Variants in RAD51B observed in about 807,000 individuals in gnomAD.
RAD51B encodes the protein RAD51 paralog B.
Under a neutral mutation model 42.2 loss-of-function variants are expected in RAD51B, and 38 were observed. The observed-to-expected ratio is 0.90, with a 90% CI of 0.70 to 1.18. The LOEUF (loss-of-function observed/expected upper bound fraction) is 1.18, where lower values mean the gene tolerates loss of function less well. Ranked by LOEUF, RAD51B falls within the 50% of genes most tolerant of loss-of-function variation. The pLI, the probability that RAD51B is intolerant of heterozygous loss-of-function variation, is 0.00. For missense variants in RAD51B, 373 were observed against 400.7 expected (o/e 0.93, Z 0.59); for synonymous variants, 154 against 145.2 (o/e 1.06, Z -0.43).
intron 10 of RAD51B, among the ~76,000 whole-genome samples, chr14:68,469,625 A>T: frequency 6.6e-6 from 1 of 152,206 alleles, no homozygotes; most frequent in East Asian, 1.9e-4. Flanking sequence ...CATACTCTCT[A>T]CGGGTGTATA....
At chr14:67,829,024 G>A in intron 3 of RAD51B, among the ~76,000 whole-genome samples, 1 of 152,160 alleles carries the variant, frequency 6.6e-6, no homozygotes, top group Non-Finnish European at 1.5e-5. Flanking sequence ...TGTGAAGAAT[G>A]TGAATGGTAG....
intron 8 of RAD51B, among the ~76,000 whole-genome samples, chr14:68,320,517 C>T (rs572914131): frequency 6.6e-6 from 1 of 152,218 alleles, no homozygotes; most frequent in Non-Finnish European, 1.5e-5. Context: ...TGTTCTAATT[C>T]TGCAGAGCTA....
rs541305953 is a variant in RAD51B, at chr14:68,328,809, C to T, written c.853+36829C>T. On this transcript the variant is annotated intron_variant, in intron 8 of 10. Transcript: ENST00000471583. ...GTAAGCTAGGGTCACTAAATTGGTA[C>T]AGTGAAAGCCTGTAGCCACCACTTT... 1.6e-3 allele frequency among the ~76,000 whole-genome samples: 247 copies of T among 152,252 alleles called. 9 individuals are homozygous for T. The South Asian group carries it at 0.05, about 31-fold the overall frequency.
intron 2 of RAD51B, among the ~76,000 whole-genome samples, chr14:67,824,083 G>A (rs139790288): frequency 6.6e-6 from 1 of 152,240 alleles, no homozygotes; most frequent in East Asian, 1.9e-4. Flanking sequence ...AAAGGTTTTG[G>A]TTGGTTGTTT....
chr14:68,229,972 C>T (rs1158358128), intron 7 of RAD51B, among the ~76,000 whole-genome samples: 1 of 152,206 alleles, frequency 6.6e-6, no homozygotes, highest in Non-Finnish European at 1.5e-5. Flanking sequence ...CTAAAATTTT[C>T]ACTTTAACTA....
rs965012800 is a variant in RAD51B at position 68,029,310 on chromosome 14, T to C, written c.756+142106T>C. Among the ~76,000 whole-genome samples the C allele has an allele frequency of 4.6e-5, 7 of 152,220 alleles. No individual in the cohort carries two copies. The East Asian group carries it at 1.3e-3, about 29-fold the overall frequency. The stretch of plus-strand genomic sequence containing the variant: ...ATCTTGTCCTTTTTCAAACTTTTTT[T>C]AAAATTTGGGTCAGTCCTCTGAAAC... On this transcript the variant is annotated intron_variant, in intron 7 of 10. Coordinates refer to ENST00000471583, the MANE Select transcript of RAD51B (RefSeq NM_133510.4).
At chr14:67,852,391 C>T (rs753572448) in intron 4 of RAD51B, among the ~76,000 whole-genome samples, 9 of 152,218 alleles carry the variant, frequency 5.9e-5, no homozygotes, top group Non-Finnish European at 5.9e-5. Flanking sequence ...TGGGGATCCC[C>T]GACTCCATGT....
At chr14:68,577,448 C>T (rs2140051742) in intron 10 of RAD51B, among the ~76,000 whole-genome samples, 1 of 152,080 alleles carries the variant, frequency 6.6e-6, no homozygotes, top group East Asian at 1.9e-4. Context: ...TAGATGCTTC[C>T]ACAGTCAAAT....
At chr14:68,260,076 G>A (rs1172360596) in intron 7 of RAD51B, among the ~76,000 whole-genome samples, 3 of 152,118 alleles carry the variant, frequency 2.0e-5, no homozygotes, top group Non-Finnish European at 2.9e-5. Context: ...GATAATGGGG[G>A]GGTGTGGAGA....
chr14:68,075,135 A>G (rs558726454), intron 7 of RAD51B, among the ~76,000 whole-genome samples: 6 of 151,980 alleles, frequency 3.9e-5, no homozygotes, highest in East Asian at 1.9e-4. Flanking sequence ...CTGCCTGACA[A>G]TCAGAACAAT....
chr14:68,320,047 C>A (rs879467052), intron 8 of RAD51B, among the ~76,000 whole-genome samples: 22 of 152,262 alleles, frequency 1.4e-4, no homozygotes, highest in African/African-American at 5.3e-4. Context: ...ACTCCAAAAC[C>A]CCTTCAGTAA....
chr14:68,512,411 C>T (rs1344439088), intron 10 of RAD51B, among the ~76,000 whole-genome samples: 1 of 152,154 alleles, frequency 6.6e-6, no homozygotes, highest in East Asian at 1.9e-4. Context: ...GATAATTCCT[C>T]GATTATAAAT....
chr14:68,600,579 C>A (rs1891178722), downstream of RAD51B, among the ~76,000 whole-genome samples: 1 of 152,176 alleles, frequency 6.6e-6, no homozygotes, highest in Non-Finnish European at 1.5e-5. Flanking sequence ...CCGCTGGGGC[C>A]ACAGTAGAGG....
At chr14:68,433,257 T>C (rs1001130089) in intron 9 of RAD51B, among the ~76,000 whole-genome samples, 5 of 152,204 alleles carry the variant, frequency 3.3e-5, no homozygotes, top group Admixed American at 3.3e-4. Context: ...AGTATCTTTG[T>C]GGCGTTCTCT....
intron 8 of RAD51B, among the ~76,000 whole-genome samples, chr14:68,386,093 A>C (rs1438636784): frequency 6.6e-6 from 1 of 152,132 alleles, no homozygotes; most frequent in Non-Finnish European, 1.5e-5. Flanking sequence ...ATGTGATCTC[A>C]TCAACATTTA....
At position 68,156,869 on chromosome 14, in the gene RAD51B, C is replaced by T. The variant is rs144749984; in HGVS notation, c.757-135015C>T. On this transcript the variant is annotated intron_variant, in intron 7 of 10. Transcript: ENST00000471583. ...TATTATGGGTCACCTGGTTCCATAG[C>T]ATCTCTTTGATTTAAAGAGGATATC... Among the ~76,000 whole-genome samples, 1,213 of 152,160 alleles carry T rather than the reference C, an allele frequency of 8.0e-3. 6 individuals are homozygous for T. Among genetic ancestry groups the T allele is most frequent in the Middle Eastern group, 0.031 (9 of 294 alleles).
At chr14:68,610,885 GTC>G (rs1491471536) in intron 10 of RAD51B, 194 of 457,310 alleles carry the variant, frequency 4.2e-4, no homozygotes, top group African/African-American at 4.1e-3. Context: ...GTGTGTGTGT[GTC>G]ATCTCCCTAG....
At chr14:68,076,811 A>G (rs143583281) in intron 7 of RAD51B, among the ~76,000 whole-genome samples, 190 of 152,310 alleles carry the variant, frequency 1.2e-3, no homozygotes, top group Admixed American at 3.1e-3. Context: ...CAAAAGTGTA[A>G]TTTTCATTTA....
intron 8 of RAD51B, among the ~76,000 whole-genome samples, chr14:68,336,928 T>C (rs1435235928): frequency 6.6e-6 from 1 of 152,254 alleles, no homozygotes; most frequent in Non-Finnish European, 1.5e-5. Context: ...ATTTCCTTTT[T>C]ATGGTTGTTT....
Sources: allele counts gnomAD v4.1 joint callset (sites outside exome capture counted in the v4.1 genomes callset), GRCh38; gene constraint gnomAD v4.1.1; transcripts MANE v1.5; gene names NCBI Gene and HGNC (gene_info 2026-07-23, HGNC 2026-07-21).